The following XPR1 variants were observed in gnomAD, a reference collection of about 807,000 sequenced individuals.
XPR1 encodes the protein solute carrier family 53 member 1.
A neutral mutation model predicts 87.5 loss-of-function variants in XPR1; 28 were observed. The ratio of observed to expected loss-of-function variants is 0.32; its 90% confidence interval spans 0.24 to 0.44. The LOEUF is 0.44. Among genes scored for constraint, XPR1 ranks in the 20% least tolerant of loss-of-function variants. XPR1 has a pLI of 1.00. For synonymous variants in XPR1, 300 were observed against 306.1 expected, an observed-to-expected ratio of 0.98 and a Z score of 0.21; for missense variants, 559 against 862.3, an observed-to-expected ratio of 0.65 and a Z score of 4.41.
chr1:180,876,183 T>C (rs1652657128), intron 13 of XPR1, among the ~76,000 whole-genome samples: 1 of 152,208 alleles, frequency 6.6e-6, no homozygotes, highest in Non-Finnish European at 1.5e-5. Context: ...CAGCATAACT[T>C]TGATATATAA....
intron 12 of XPR1, among the ~76,000 whole-genome samples, chr1:180,866,274 A>C (rs1196386644): frequency 6.6e-6 from 1 of 152,184 alleles, no homozygotes; most frequent in African/African-American, 2.4e-5. Flanking sequence ...AAATTCATCC[A>C]GCTTGAAAAG....
chr1:180,853,392 A>G (rs1558039248), intron 11 of XPR1, among the ~76,000 whole-genome samples: 3 of 151,716 alleles, frequency 2.0e-5, no homozygotes, highest in South Asian at 2.1e-4. Flanking sequence ...TAATATTTCT[A>G]TTTGGTTCTT....
chr1:180,873,294 A>G (rs932479741), intron 12 of XPR1, among the ~76,000 whole-genome samples: 2 of 152,344 alleles, frequency 1.3e-5, no homozygotes, highest in African/African-American at 2.4e-5. Context: ...CTTAAATTCA[A>G]CCACGGTTGT....
At chr1:180,682,090 A>G (rs1656596160) in intron 1 of XPR1, among the ~76,000 whole-genome samples, 1 of 152,178 alleles carries the variant, frequency 6.6e-6, no homozygotes, top group South Asian at 2.1e-4. Context: ...AAGAGAGTTT[A>G]TAATCTCTCA....
At chr1:180,658,594 C>T (rs1289371365) in intron 1 of XPR1, among the ~76,000 whole-genome samples, 2 of 151,930 alleles carry the variant, frequency 1.3e-5, no homozygotes, top group East Asian at 1.9e-4. Flanking sequence ...GACGGAGTCT[C>T]GCCACTGTCT....
intron 2 of XPR1, among the ~76,000 whole-genome samples, chr1:180,714,842 C>T (rs1346912321): frequency 6.9e-6 from 1 of 145,570 alleles, no homozygotes; most frequent in Non-Finnish European, 1.5e-5. Flanking sequence ...TGTTGTTTGG[C>T]AATTTTAATC....
intron 9 of XPR1, among the ~76,000 whole-genome samples, chr1:180,827,804 T>A (rs1181025788): frequency 6.6e-6 from 1 of 152,194 alleles, no homozygotes; most frequent in African/African-American, 2.4e-5. Flanking sequence ...GTGTTCACTC[T>A]AGTTATGTTT....
At chr1:180,709,048 A>T (rs12403017) in intron 2 of XPR1, among the ~76,000 whole-genome samples, 33,676 of 151,390 alleles carry the variant, frequency 0.22, 3,860 homozygotes, top group Middle Eastern at 0.28. Flanking sequence ...AGTAGCTGGG[A>T]TTACAGGCGC....
intron 11 of XPR1, among the ~76,000 whole-genome samples, chr1:180,856,044 TA>T (rs1237983162): frequency 1.3e-5 from 2 of 152,146 alleles, no homozygotes; most frequent in Non-Finnish European, 2.9e-5. Context: ...TCCCCTACTC[TA>T]AAAAGATTTC....
intron 11 of XPR1, among the ~76,000 whole-genome samples, chr1:180,850,322 A>G (rs1464721555): frequency 1.3e-5 from 2 of 152,066 alleles, no homozygotes; most frequent in Non-Finnish European, 2.9e-5. Flanking sequence ...CGTGGAAGAG[A>G]TTTTGGCTTT....
intron 2 of XPR1, among the ~76,000 whole-genome samples, chr1:180,746,158 G>C (rs1055772083): frequency 1.3e-5 from 2 of 152,008 alleles, no homozygotes; most frequent in Non-Finnish European, 2.9e-5. Context: ...TGGATGCATT[G>C]TATAGTGGTG....
chr1:180,682,448 A>C, intron 2 of XPR1, 37 bp downstream of exon 2: 1 of 1,562,212 alleles, frequency 6.4e-7, no homozygotes, highest in Non-Finnish European at 8.7e-7. Context: ...GTCACAGAAA[A>C]CCTCTTTTTA....
intron 2 of XPR1, 83 bp from the exon 3 acceptor site, chr1:180,787,670 A>G (rs562227560): frequency 2.1e-6 from 2 of 969,216 alleles, no homozygotes; most frequent in African/African-American, 3.3e-5. Flanking sequence ...AAAAACTCAA[A>G]AAGTAATCTT....
Position 180,824,960 on chromosome 1 carries a change from A to G in XPR1, c.954+17A>G, listed in dbSNP as rs1024498115. The stretch of plus-strand genomic sequence containing the variant: ...CTCTTTGAGGTAATCAAAGCAAGAC[A>G]TAACACCTCATGAATATAGTTTGCA... On this transcript the variant is annotated intron_variant, in intron 8 of 14. Coordinates refer to ENST00000367590, the MANE Select transcript of XPR1 (RefSeq NM_004736.4). 13 of 1,609,572 alleles carry G rather than the reference A, an allele frequency of 8.1e-6. No individual in the cohort carries two copies. The highest frequency in any genetic ancestry group is 1.1e-5 in the South Asian group (1 of 90,108).
intron 6 of XPR1, among the ~76,000 whole-genome samples, chr1:180,808,823 A>T (rs1480988725): frequency 6.6e-6 from 1 of 152,202 alleles, no homozygotes; most frequent in Non-Finnish European, 1.5e-5. Flanking sequence ...CTTTTCTAAT[A>T]TGCTTTGGTG....
chr1:180,733,637 G>C (rs1249143062), intron 2 of XPR1, among the ~76,000 whole-genome samples: 2 of 152,184 alleles, frequency 1.3e-5, no homozygotes, highest in African/African-American at 4.8e-5. Flanking sequence ...AATCTAGAAA[G>C]AAGTAAAAGG....
intron 9 of XPR1, among the ~76,000 whole-genome samples, chr1:180,834,602 C>T (rs1257388954): frequency 6.6e-6 from 1 of 152,146 alleles, no homozygotes; most frequent in Non-Finnish European, 1.5e-5. Flanking sequence ...TGGATTTTTG[C>T]AAAGAATTAG....
At chr1:180,712,070 A>G (rs1161471447) in intron 2 of XPR1, among the ~76,000 whole-genome samples, 1 of 151,014 alleles carries the variant, frequency 6.6e-6, no homozygotes, top group African/African-American at 2.5e-5. Flanking sequence ...ACCAAATTAT[A>G]TATACAATAT....
intron 7 of XPR1, among the ~76,000 whole-genome samples, chr1:180,818,327 GT>G (rs76651863): frequency 0.032 from 4,468 of 139,388 alleles, 163 homozygotes; most frequent in African/African-American, 0.09. Flanking sequence ...TTCTGTTTGG[GT>G]TTTTTTTTTT....
Sources: gnomAD v4.1 joint callset for allele counts (sites outside exome capture counted in the v4.1 genomes callset) on GRCh38, gnomAD v4.1.1 for gene constraint, MANE v1.5 for transcripts, NCBI Gene and HGNC (gene_info 2026-07-23, HGNC 2026-07-21) for gene names.